Variants in COL19A1 observed in about 807,000 individuals in gnomAD.
COL19A1 encodes collagen type XIX alpha 1 chain.
A neutral mutation model predicts 190.2 loss-of-function variants in COL19A1; 159 were observed. That is an observed-to-expected ratio of 0.84 (90% CI 0.73 to 0.95). COL19A1 has a LOEUF of 0.95. Ranked by LOEUF, COL19A1 falls within the 40% of genes least tolerant of loss-of-function variation. The pLI, the probability that COL19A1 is intolerant of heterozygous loss-of-function variation, is 0.00. For synonymous variants in COL19A1, 509 were observed against 458.9 expected (o/e 1.11, Z -1.39); for missense variants, 1,418 against 1,431.9 (o/e 0.99, Z 0.16).
intron 42 of COL19A1, among the ~76,000 whole-genome samples, chr6:70,178,351 G>T (rs1765943855): frequency 6.6e-6 from 1 of 151,950 alleles, no homozygotes; most frequent in South Asian, 2.1e-4. Flanking sequence ...ACTCCAAACT[G>T]GGCAACAGAG....
chr6:69,917,560 A>G (rs1409780239), intron 4 of COL19A1, among the ~76,000 whole-genome samples: 2 of 152,222 alleles, frequency 1.3e-5, no homozygotes, highest in Non-Finnish European at 2.9e-5. Flanking sequence ...GGCAATAAAT[A>G]TGTAAACCAA....
chr6:69,883,503 C>T (rs1390744375), intron 2 of COL19A1, among the ~76,000 whole-genome samples: 1 of 152,140 alleles, frequency 6.6e-6, no homozygotes, highest in Non-Finnish European at 1.5e-5. Flanking sequence ...ATTCATAATA[C>T]ATTGTTATTA....
chr6:70,152,585 C>A (rs563969857), intron 31 of COL19A1, among the ~76,000 whole-genome samples: 24 of 152,132 alleles, frequency 1.6e-4, no homozygotes, highest in African/African-American at 5.8e-4. Flanking sequence ...ACTCAATATG[C>A]CACTTTACTT....
At chr6:70,201,476 T>C (rs904130806) in intron 49 of COL19A1, among the ~76,000 whole-genome samples, 2 of 152,218 alleles carry the variant, frequency 1.3e-5, no homozygotes, top group African/African-American at 4.8e-5. Context: ...TATAGACTAC[T>C]TCTACTCCTG....
At chr6:69,891,029 A>G in intron 2 of COL19A1, 1 of 361,738 alleles carries the variant, frequency 2.8e-6, no homozygotes. Context: ...CCATTGTCAG[A>G]GGCTCCAGTT....
chr6:70,188,719 C>T (rs762415475), intron 47 of COL19A1, among the ~76,000 whole-genome samples: 2 of 152,136 alleles, frequency 1.3e-5, no homozygotes, highest in African/African-American at 2.4e-5. Flanking sequence ...ATGAGTAGTG[C>T]CTTGAAGTAG....
intron 10 of COL19A1, among the ~76,000 whole-genome samples, chr6:69,962,219 T>C (rs959287135): frequency 7.2e-5 from 11 of 151,894 alleles, no homozygotes; most frequent in Non-Finnish European, 1.6e-4. Context: ...AAGGGAGATG[T>C]ACACCTTTTA....
intron 2 of COL19A1, among the ~76,000 whole-genome samples, chr6:69,884,816 A>G (rs925700698): frequency 1.3e-5 from 2 of 150,882 alleles, no homozygotes; most frequent in Non-Finnish European, 2.9e-5. Context: ...TAAAATAATG[A>G]TATACCCAAA....
chr6:70,037,485 T>A (rs921693987), intron 14 of COL19A1, among the ~76,000 whole-genome samples: 3 of 152,036 alleles, frequency 2.0e-5, no homozygotes, highest in Admixed American at 6.6e-5. Context: ...AAAAAAAAAA[T>A]TATTTAGCAG....
At chr6:70,190,421 TTCCCACC>T in intron 48 of COL19A1, 40 bp downstream of exon 48, 1 of 1,314,980 alleles carries the variant, frequency 7.6e-7, no homozygotes, top group Non-Finnish European at 1.1e-6. Context: ...TTTTCACTGA[TTCCCACC>T]TCCCACCTAC....
chr6:69,980,766 G>A (rs990937898), intron 11 of COL19A1, among the ~76,000 whole-genome samples: 1 of 152,160 alleles, frequency 6.6e-6, no homozygotes, highest in Non-Finnish European at 1.5e-5. Flanking sequence ...CATGTGTAAG[G>A]CTCAGATTCA....
intron 14 of COL19A1, among the ~76,000 whole-genome samples, chr6:70,040,187 A>G (rs1779567362): frequency 6.6e-6 from 1 of 152,082 alleles, no homozygotes; most frequent in Non-Finnish European, 1.5e-5. Flanking sequence ...AAAACCATCT[A>G]TTTCATTAAA....
chr6:70,069,917 T>C (rs1029809083), intron 15 of COL19A1, among the ~76,000 whole-genome samples: 1 of 152,192 alleles, frequency 6.6e-6, no homozygotes. Context: ...CTCAGCCTTA[T>C]GCTACTTTAA....
intron 14 of COL19A1, chr6:70,059,620 AT>A (rs1353530257): frequency 7.4e-6 from 2 of 271,498 alleles, no homozygotes; most frequent in African/African-American, 2.3e-5. Context: ...GGCTTGGACT[AT>A]TTTTTGCTTA....
At chr6:70,071,690 C>T (rs1243791695) in intron 15 of COL19A1, among the ~76,000 whole-genome samples, 2 of 151,796 alleles carry the variant, frequency 1.3e-5, no homozygotes, top group Non-Finnish European at 2.9e-5. Flanking sequence ...GAATATTGAT[C>T]CTAAGCTACA....
intron 15 of COL19A1, among the ~76,000 whole-genome samples, chr6:70,086,795 C>T (rs1445448839): frequency 7.4e-6 from 1 of 135,928 alleles, no homozygotes; most frequent in African/African-American, 2.7e-5. Flanking sequence ...TTAGTACAAA[C>T]TCCTCATTTG....
chr6:69,886,882 T>A (rs540741699), intron 2 of COL19A1, among the ~76,000 whole-genome samples: 3 of 152,334 alleles, frequency 2.0e-5, no homozygotes, highest in African/African-American at 4.8e-5. Flanking sequence ...GTGTAATGAA[T>A]CCATAATATT....
intron 48 of COL19A1, among the ~76,000 whole-genome samples, chr6:70,196,130 A>ATT (rs1767181160): frequency 6.6e-6 from 1 of 152,234 alleles, no homozygotes; most frequent in Non-Finnish European, 1.5e-5. Flanking sequence ...ATGCTGTTGA[A>ATT]TTAACAGTGA....
chr6:69,897,789 T>C (rs546204495), intron 2 of COL19A1, among the ~76,000 whole-genome samples: 12 of 152,190 alleles, frequency 7.9e-5, no homozygotes, highest in Admixed American at 1.3e-4. Context: ...GAGATAGCAA[T>C]TTTCCATATT....
Sources: allele counts gnomAD v4.1 joint callset (sites outside exome capture counted in the v4.1 genomes callset), GRCh38; gene constraint gnomAD v4.1.1; transcripts MANE v1.5; gene names NCBI Gene and HGNC (gene_info 2026-07-23, HGNC 2026-07-21).